ITGAX: variants seen among roughly 807,000 people sequenced by gnomAD.
The protein encoded by ITGAX is integrin subunit alpha X, also known as integrin alpha-X.
ITGAX carries 99 observed loss-of-function variants against 140.2 expected under a neutral mutation model. That is an observed-to-expected ratio of 0.71 (90% confidence interval 0.60 to 0.83). The LOEUF is 0.83. Among genes scored for constraint, ITGAX ranks in the 40% least tolerant of loss-of-function variants. ITGAX has a pLI of 0.00. For synonymous variants in ITGAX, 631 were observed against 600.4 expected, an observed-to-expected ratio of 1.05 and a Z score of -0.75; for missense variants, 1,444 against 1,482.0, an observed-to-expected ratio of 0.97 and a Z score of 0.42.
In ITGAX at chr16:31,370,555, A is replaced by G. The variant is rs558669963; in HGVS notation, c.1711-529A>G. Among the ~76,000 whole-genome samples the G allele has an allele frequency of 8.8e-4, 134 of 152,282 alleles. 1 individual carries two copies. Among genetic ancestry groups the G allele is most frequent in the Admixed American group, 5.9e-4 (9 of 15,300 alleles). The stretch of plus-strand genomic sequence containing the variant: ...GCCTCTTAAAGGCTACCTGGGGTTG[A>G]CACTGTCCCCAACCTCTCTCCTGCA... On this transcript the variant is annotated intron_variant, in intron 14 of 29. Coordinates refer to ENST00000268296, the MANE Select transcript of ITGAX (RefSeq NM_000887.5).
In ITGAX at chr16:31,382,199, A is replaced by T; in HGVS notation, c.*292A>T. The T allele has an allele frequency of 7.2e-7, 1 of 1,381,476 alleles. No individual in the cohort carries two copies. 85.6% of individuals were successfully genotyped at this position (1,381,476 alleles called of 1,614,324 possible). On this transcript the variant is annotated 3_prime_UTR_variant, in exon 30 of 30. Coordinates refer to ENST00000268296, the MANE Select transcript of ITGAX (RefSeq NM_000887.5). ...CCCAGGCCTCAGTCTCCCTTCTCCC[A>T]TGAGGCACGAATGATCTTTCTTTCC...
In ITGAX at chr16:31,382,799, C is replaced by T. The variant is rs2081081770; in HGVS notation, c.*892C>T. On this transcript the variant is annotated 3_prime_UTR_variant, in exon 30 of 30. Transcript: ENST00000268296. ...CCGGTGCGGCTGCAGCTCACCCAGCCCCAGGGGCAGAAGAGACCCAACCAC... is the reference window on the plus strand; with the variant it reads ...CCGGTGCGGCTGCAGCTCACCCAGCTCCAGGGGCAGAAGAGACCCAACCAC... 2.3e-6 allele frequency: 1 copy of T among 439,960 alleles called. No homozygotes were observed. Among genetic ancestry groups the T allele is most frequent in the African/African-American group, 2.0e-5 (1 of 49,428 alleles). 27.3% of individuals were successfully genotyped at this position (439,960 alleles called of 1,614,324 possible).
rs781336756 is a variant in ITGAX at position 31,377,199 on chromosome 16, G to C, written c.2723G>C (p.Arg908Thr). ...ANVSSENNTP[R>T]TSKTTFQLEL... is the part of the protein sequence containing the mutation. The stretch of plus-strand genomic sequence containing the variant: ...TTCTCCAGTGAGAACAACACTCCCA[G>C]GACCAGCAAGACCACCTTCCAGCTG... Residue 908 changes from arginine to threonine, a missense_variant, in exon 23 of 30, where the codon AGG (arginine) becomes ACG (threonine). By Grantham distance (71) the Arg-to-Thr change is moderately conservative. Transcript: ENST00000268296. The C allele has an allele frequency of 1.9e-5, 30 of 1,613,854 alleles. No homozygotes were observed. Among genetic ancestry groups the C allele is most frequent in the Non-Finnish European group, 2.4e-5 (28 of 1,180,002 alleles).
intron 9 of ITGAX, 110 bp from the exon 10 acceptor site, chr16:31,361,726 C>T: frequency 8.3e-7 from 1 of 1,198,518 alleles, no homozygotes; most frequent in South Asian, 1.3e-5. Context: ...GTCACAGGCA[C>T]CAGCTCTCCC....
chr16:31,365,097 G>A (rs1939205396), intron 14 of ITGAX, among the ~76,000 whole-genome samples: 1 of 152,192 alleles, frequency 6.6e-6, no homozygotes, highest in African/African-American at 2.4e-5. Context: ...CATGCTAAGT[G>A]AGGGAAGCCA....
In ITGAX at chr16:31,382,742, G is replaced by T; in HGVS notation, c.*835G>T. ...CGTTGGGCAACATTGCTGGCTGGAAGGGAGGAGCGCCCTCTAGGGAGGGAC... is the reference window on the plus strand; with the variant it reads ...CGTTGGGCAACATTGCTGGCTGGAATGGAGGAGCGCCCTCTAGGGAGGGAC... On this transcript the variant is annotated 3_prime_UTR_variant, in exon 30 of 30. Transcript: ENST00000268296. The T allele has an allele frequency of 1.9e-6, 1 of 529,714 alleles. No homozygotes were observed. The highest frequency in any genetic ancestry group is 3.4e-6 in the Non-Finnish European group (1 of 295,938). The allele number at this position is 529,714 out of a possible 1,614,324, so 32.8% of individuals were successfully genotyped here.
In ITGAX at chr16:31,372,490, A is replaced by G. The variant is rs773787102; in HGVS notation, c.2273A>G (p.Gln758Arg). 1 of 1,608,642 alleles carries G rather than the reference A, an allele frequency of 6.2e-7. No individual in the cohort carries two copies. The highest frequency in any genetic ancestry group is 8.5e-7 in the Non-Finnish European group (1 of 1,178,630). Residue 758 changes from glutamine (Q) to arginine (R), a missense_variant, in exon 18 of 30, where the codon CAG (glutamine) becomes CGG (arginine). By Grantham distance (43) the Gln-to-Arg change is conservative. Transcript: ENST00000268296. ...NLRPMLAADAQRYFTASLPFE... is the reference protein window; with the variant it reads ...NLRPMLAADARRYFTASLPFE... Reference sequence around the variant, plus strand: ...CGGCCTATGCTGGCCGCCGATGCTCAGAGATACTTCACGGCCTCCGTGAGT... The same window carrying G: ...CGGCCTATGCTGGCCGCCGATGCTCGGAGATACTTCACGGCCTCCGTGAGT...
chr16:31,376,739 T>G, intron 20 of ITGAX, 60 bp from the exon 21 acceptor site: 1 of 1,498,886 alleles, frequency 6.7e-7, no homozygotes, highest in Non-Finnish European at 9.3e-7. Context: ...CAAAAGTAAT[T>G]GGGTTTTTGC....
intron 2 of ITGAX, 113 bp downstream of exon 2, chr16:31,356,111 C>A: frequency 1.4e-6 from 1 of 723,112 alleles, no homozygotes; most frequent in Non-Finnish European, 2.3e-6. Flanking sequence ...TCTGGTGTAG[C>A]GACTGCCCTG....
At position 31,367,007 on chromosome 16, in the gene ITGAX, A is replaced by G. The variant is rs1053118610; in HGVS notation, c.1710+3633A>G. Among the ~76,000 whole-genome samples the G allele has an allele frequency of 2.6e-5, 4 of 152,192 alleles. No individual in the cohort carries two copies. The East Asian group carries it at 7.7e-4, about 29-fold the overall frequency. ...AATGATAAGAAAGTGAAACAGCCTA[A>G]TTGCTGATATGAAGGAAGTCTGAGT... On this transcript the variant is annotated intron_variant, in intron 14 of 29. Coordinates refer to ENST00000268296, the MANE Select transcript of ITGAX (RefSeq NM_000887.5).
At chr16:31,372,891 C>T (rs867251340) in intron 19 of ITGAX, among the ~76,000 whole-genome samples, 9 of 149,014 alleles carry the variant, frequency 6.0e-5, no homozygotes, top group African/African-American at 2.3e-4. Context: ...GGCAACAGAG[C>T]GAGATCCCAT....
Position 31,382,407 on chromosome 16 carries a change from G to C in ITGAX, c.*500G>C. Reference sequence around the variant, plus strand: ...ACTACAGGCACACGCCACCTCGCCCGGCCCGATCTTTCTAAAATACAGTTC... The same window carrying C: ...ACTACAGGCACACGCCACCTCGCCCCGCCCGATCTTTCTAAAATACAGTTC... On this transcript the variant is annotated 3_prime_UTR_variant, in exon 30 of 30. Transcript: ENST00000268296. The C allele has an allele frequency of 6.5e-7, 1 of 1,533,026 alleles. No homozygotes were observed. The highest frequency in any genetic ancestry group is 8.7e-7 in the Non-Finnish European group (1 of 1,144,654). The allele number at this position is 1,533,026 out of a possible 1,614,324, so 95.0% of individuals were successfully genotyped here. A position where few individuals can be genotyped will look rare whatever the true frequency, so the allele number is the denominator to read the frequency against.
chr16:31,356,944 C>T (rs2080767374), intron 3 of ITGAX, 87 bp from the exon 4 acceptor site: 23 of 1,182,112 alleles, frequency 1.9e-5, no homozygotes, highest in Non-Finnish European at 2.6e-5. Flanking sequence ...ACCTCCTTGT[C>T]TCCCAGGTGG....
At chr16:31,378,975 C>G (rs2081044236) in intron 23 of ITGAX, among the ~76,000 whole-genome samples, 1 of 152,128 alleles carries the variant, frequency 6.6e-6, no homozygotes, top group Non-Finnish European at 1.5e-5. Flanking sequence ...GCCACCACAC[C>G]TGGCTAATTT....
chr16:31,367,661 T>C (rs931812812), intron 14 of ITGAX, among the ~76,000 whole-genome samples: 2 of 152,232 alleles, frequency 1.3e-5, no homozygotes, highest in African/African-American at 2.4e-5. Context: ...TTGCTGCTTA[T>C]TGACAGTGCA....
rs532558050 is a variant in ITGAX at position 31,361,357 on chromosome 16, G to T, written c.1012+144G>T. On this transcript the variant is annotated intron_variant, in intron 9 of 29. Transcript: ENST00000268296. ...CCCCGATAGCCATGTCTGTCAGCTT[G>T]TCCCCACTGACGTCCCCCAGCACTG... 1.4e-4 allele frequency: 139 copies of T among 961,192 alleles called. 1 individual carries two copies. The African/African-American group carries it at 1.8e-3, about 12-fold the overall frequency. The allele number at this position is 961,192 out of a possible 1,614,324, so 59.5% of individuals were successfully genotyped here. A position where few individuals can be genotyped will look rare whatever the true frequency, so the allele number is the denominator to read the frequency against.
chr16:31,371,526 A>T (rs1416159972), intron 16 of ITGAX, 29 bp downstream of exon 16: 1 of 1,611,428 alleles, frequency 6.2e-7, no homozygotes. Context: ...AACCCAGGAC[A>T]CCCTGACCTC....
chr16:31,371,502 G>A lies in ITGAX; in HGVS notation c.2005+5G>A. The stretch of plus-strand genomic sequence containing the variant: ...CTAAGAACCTGCTTGGGAGCCGTGA[G>A]TCCCCTCCCCTCCAACCCAGGACAC... On this transcript the variant is annotated splice_donor_5th_base_variant and intron_variant, in intron 16 of 29. Coordinates refer to ENST00000268296, the MANE Select transcript of ITGAX (RefSeq NM_000887.5). 6.2e-7 allele frequency: 1 copy of A among 1,613,570 alleles called. No individual in the cohort carries two copies. The highest frequency in any genetic ancestry group is 8.5e-7 in the Non-Finnish European group (1 of 1,179,558).
At chr16:31,356,913 G>A (rs2080766963) in intron 3 of ITGAX, 118 bp from the exon 4 acceptor site, 2 of 973,250 alleles carry the variant, frequency 2.1e-6, no homozygotes, top group Non-Finnish European at 1.5e-6. Flanking sequence ...GTCAAGACCC[G>A]ACAGCTTCCT....
Sources: gnomAD v4.1 joint callset for allele counts (sites outside exome capture counted in the v4.1 genomes callset) on GRCh38, gnomAD v4.1.1 for gene constraint, MANE v1.5 for transcripts, NCBI Gene and HGNC (gene_info 2026-07-23, HGNC 2026-07-21) for gene names.